KCNMB3: variants seen among roughly 807,000 people sequenced by gnomAD.
KCNMB3 encodes potassium calcium-activated channel subfamily M regulatory beta subunit 3, also known as calcium-activated potassium channel subunit beta-3.
A neutral mutation model predicts 11.9 loss-of-function variants in KCNMB3; 18 were observed. The observed-to-expected ratio is 1.51, with a 90% CI of 1.04 to 2.23. KCNMB3 has a LOEUF of 2.23. Ranked by LOEUF, KCNMB3 falls within the 30% of genes most tolerant of loss-of-function variation. The pLI is 0.00. For missense variants in KCNMB3, 247 were observed against 329.4 expected (o/e 0.75, Z 1.94); for synonymous variants, 78 against 119.2 (o/e 0.65, Z 2.25).
At chr3:179,260,433 A>G in intron 1 of KCNMB3, 6 of 1,613,768 alleles carry the variant, frequency 3.7e-6, no homozygotes, top group South Asian at 1.1e-5. Flanking sequence ...GAATACCTCT[A>G]TGTCCACACA....
intron 1 of KCNMB3, among the ~76,000 whole-genome samples, chr3:179,258,458 T>C (rs1410800629): frequency 6.6e-6 from 1 of 152,224 alleles, no homozygotes; most frequent in African/African-American, 2.4e-5. Context: ...AAAATGATTA[T>C]TGTTCTAAGG....
At chr3:179,246,598 A>G (rs1277850602) in intron 1 of KCNMB3, among the ~76,000 whole-genome samples, 1 of 152,208 alleles carries the variant, frequency 6.6e-6, no homozygotes, top group Non-Finnish European at 1.5e-5. Flanking sequence ...CAAAGAAAAA[A>G]TACTGGGCAA....
intron 2 of KCNMB3, among the ~76,000 whole-genome samples, chr3:179,243,880 T>C (rs1050464387): frequency 3.3e-5 from 5 of 152,172 alleles, no homozygotes; most frequent in Non-Finnish European, 5.9e-5. Context: ...GGTACTGTGC[T>C]AAAGGCCAAA....
rs1302383597 is a variant in KCNMB3, at chr3:179,266,674, G to A, written c.37C>T (p.Gln13Ter). The A allele has an allele frequency of 6.2e-7, 1 of 1,614,176 alleles. No individual in the cohort carries two copies. The highest frequency in any genetic ancestry group is 8.5e-7 in the Non-Finnish European group (1 of 1,180,024). Residue 13 changes from glutamine (Q) to a stop codon, truncating the protein, a stop_gained, in exon 1 of 4, where the codon CAG (glutamine) becomes TAG (stop). Transcript: ENST00000349697. LOFTEE classifies it high-confidence loss of function. ...CTCCCCTGGCGCCTCCGGCTGCCCT[G>A]AAGTGTGATTTGCACGGGGATGCTG...
chr3:179,251,953 C>A (rs34795680), upstream of KCNMB3, among the ~76,000 whole-genome samples: 3 of 152,038 alleles, frequency 2.0e-5, no homozygotes, highest in Non-Finnish European at 4.4e-5. Flanking sequence ...AACGCCTGAC[C>A]TCATGATCCA....
At chr3:179,263,445 A>G (rs550093760) in intron 1 of KCNMB3, among the ~76,000 whole-genome samples, 5 of 152,352 alleles carry the variant, frequency 3.3e-5, no homozygotes, top group African/African-American at 1.2e-4. Flanking sequence ...CCAGCCCAGA[A>G]AGGGGCTCCT....
chr3:179,262,253 T>C (rs1002820822), intron 1 of KCNMB3, among the ~76,000 whole-genome samples: 3 of 152,256 alleles, frequency 2.0e-5, no homozygotes, highest in African/African-American at 7.2e-5. Flanking sequence ...AGAATATATA[T>C]TATTCTCAAG....
intron 1 of KCNMB3, among the ~76,000 whole-genome samples, chr3:179,261,835 AC>A (rs972406249): frequency 6.6e-6 from 1 of 152,244 alleles, no homozygotes; most frequent in African/African-American, 2.4e-5. Flanking sequence ...ATGTAATCCC[AC>A]TGTAAATGGA....
intron 1 of KCNMB3, chr3:179,260,018 TTC>T (rs1243409984): frequency 1.2e-6 from 2 of 1,612,660 alleles, no homozygotes; most frequent in African/African-American, 2.7e-5. Context: ...GGTTGGTGAA[TTC>T]TTTCTCTAAA....
intron 1 of KCNMB3, among the ~76,000 whole-genome samples, chr3:179,250,139 T>A (rs1200184367): frequency 6.6e-6 from 1 of 152,186 alleles, no homozygotes; most frequent in East Asian, 1.9e-4. Flanking sequence ...CCTCTTCATG[T>A]TGAGTAGGCT....
At chr3:179,260,477 C>G (rs931553726) in intron 1 of KCNMB3, 68 of 1,612,678 alleles carry the variant, frequency 4.2e-5, no homozygotes, top group Non-Finnish European at 5.5e-5. Context: ...GTTGTTCTTT[C>G]TCAGTATTGT....
chr3:179,252,604 C>A (rs2108448461), upstream of KCNMB3, among the ~76,000 whole-genome samples: 1 of 152,212 alleles, frequency 6.6e-6, no homozygotes, highest in African/African-American at 2.4e-5. Context: ...CCATGGTTAA[C>A]ACTTCTTTGG....
chr3:179,244,939 A>G (rs925410271), intron 1 of KCNMB3, among the ~76,000 whole-genome samples: 8 of 152,172 alleles, frequency 5.3e-5, no homozygotes. Flanking sequence ...CTACTGGCAT[A>G]TTTCTCACTA....
At chr3:179,264,441 T>C (rs1346461241) in intron 1 of KCNMB3, among the ~76,000 whole-genome samples, 1 of 152,176 alleles carries the variant, frequency 6.6e-6, no homozygotes, top group Non-Finnish European at 1.5e-5. Context: ...ATAAAAAGCA[T>C]ATTGATTCCT....
At chr3:179,255,713 C>T (rs754751291), upstream of KCNMB3, among the ~76,000 whole-genome samples, 1 of 152,126 alleles carries the variant, frequency 6.6e-6, no homozygotes, top group Non-Finnish European at 1.5e-5. Flanking sequence ...TCCCAGACTC[C>T]AGAAGCCCAT....
chr3:179,246,687 GTTTAT>G lies in KCNMB3; in HGVS notation c.249-1999_249-1995del, dbSNP rs375857646. 5.6e-3 allele frequency among the ~76,000 whole-genome samples: 851 copies of G among 152,262 alleles called. 5 individuals carry two copies. Among genetic ancestry groups the G allele is most frequent in the South Asian group, 0.044 (210 of 4,826 alleles). On this transcript the variant is annotated intron_variant, in intron 1 of 2. Transcript: ENST00000392685. ...GCTTTTTCACTAAATTAATTTATATGTTTATTTTAACTAGGCATCTTGAAATAATA... is the reference window on the plus strand; with the variant it reads ...GCTTTTTCACTAAATTAATTTATATGTTTAACTAGGCATCTTGAAATAATA...
intron 2 of KCNMB3, among the ~76,000 whole-genome samples, chr3:179,244,204 C>T (rs1429681222): frequency 6.6e-6 from 1 of 152,102 alleles, no homozygotes. Context: ...TCATATGGCG[C>T]GGAGTGGAAT....
upstream of KCNMB3, chr3:179,266,994 T>TC: frequency 1.2e-6 from 1 of 814,462 alleles, no homozygotes; most frequent in Non-Finnish European, 1.6e-6. Flanking sequence ...TTCTCTCTCT[T>TC]TGCACTGTGC....
At chr3:179,266,946 C>A in exon 1 of KCNMB3, 1 of 1,326,294 alleles carries the variant, frequency 7.5e-7, no homozygotes. Flanking sequence ...TCTAGATGAT[C>A]AAGAAGGACC....
Sources: gnomAD v4.1 joint callset for allele counts (sites outside exome capture counted in the v4.1 genomes callset) on GRCh38, gnomAD v4.1.1 for gene constraint, MANE v1.5 for transcripts, NCBI Gene and HGNC (gene_info 2026-07-23, HGNC 2026-07-21) for gene names.